Variants in LRRC45 observed in about 807,000 individuals in gnomAD.
LRRC45 encodes leucine-rich repeat-containing protein 45.
In LRRC45, 73 loss-of-function variants were observed where a neutral mutation model predicts 85.4. That is an observed-to-expected ratio of 0.85 (90% confidence interval 0.71 to 1.04). LRRC45 has a LOEUF of 1.04. LRRC45 is among the 50% of genes least tolerant of loss of function. The pLI is 0.00. For missense variants in LRRC45, 937 were observed against 883.3 expected (o/e 1.06, Z -0.77); for synonymous variants, 429 against 386.0 (o/e 1.11, Z -1.31).
At chr17:82,029,378 G>A in intron 13 of LRRC45, 165 bp from the exon 14 acceptor site, 1 of 951,070 alleles carries the variant, frequency 1.1e-6, no homozygotes, top group Admixed American at 2.3e-5. Context: ...GACTTCCTTG[G>A]CCTTAGGAAC....
At chr17:82,029,506 G>T in intron 13 of LRRC45, 37 bp from the exon 14 acceptor site, 1 of 1,547,296 alleles carries the variant, frequency 6.5e-7, no homozygotes, top group South Asian at 1.2e-5. Context: ...CTGGGCCAGG[G>T]ACAGGAGAAC....
chr17:82,028,436 C>G lies in LRRC45; in HGVS notation c.1165C>G (p.Gln389Glu), dbSNP rs141938156. 2 of 1,612,754 alleles carry G rather than the reference C, an allele frequency of 1.2e-6. No homozygotes were observed. The highest frequency in any genetic ancestry group is 1.7e-6 in the Non-Finnish European group (2 of 1,179,974). The change falls in exon 11 of 17, where the codon CAG becomes GAG. Residue 389 changes from glutamine (Q) to glutamate (E), a missense_variant. By Grantham distance (29) the Gln-to-Glu change is conservative (BLOSUM62 2). Coordinates refer to ENST00000306688, the MANE Select transcript of LRRC45 (RefSeq NM_144999.4). ...LERKFRCQQE[Q>E]LFQTRQEMTS... ...GCGGAAGTTCAGGTGTCAGCAGGAG[C>G]AGCTGTTCCAGACCAGGCAGGAGAT...
intron 1 of LRRC45, 88 bp downstream of exon 1, chr17:82,023,951 T>C: frequency 7.9e-7 from 1 of 1,262,450 alleles, no homozygotes; most frequent in Non-Finnish European, 1.1e-6. Flanking sequence ...CTCTCCAGGC[T>C]CTCCAATTTC....
chr17:82,027,380 C>T lies in LRRC45; in HGVS notation c.775-6C>T, dbSNP rs374147141. 3.0e-5 allele frequency: 49 copies of T among 1,612,556 alleles called. No individual in the cohort carries two copies. The African/African-American group carries it at 6.3e-4, about 21-fold the overall frequency. ...CTGACAGGGCTGCGGCTGTCTCTGTCCCCAGTTCCTCGACTTGATGGAGAC... is the reference window on the plus strand; with the variant it reads ...CTGACAGGGCTGCGGCTGTCTCTGTTCCCAGTTCCTCGACTTGATGGAGAC... On this transcript the variant is annotated splice_polypyrimidine_tract_variant and splice_region_variant and intron_variant, in intron 6 of 16. Transcript: ENST00000306688.
At position 82,027,680 on chromosome 17, in the gene LRRC45, G is replaced by C; in HGVS notation, c.840G>C (p.Ser280=). Residue 280 remains serine, a synonymous_variant, in exon 8 of 17, where the codon TCG becomes TCC. Transcript: ENST00000306688. ...REEMAKSSRA[S]AARVGQLQEA... ...CCCTCCTCTCTGCCCACAGGGCGTC[G>C]GCAGCCCGTGTAGGGCAGCTTCAGG... 1 of 1,610,222 alleles carries C rather than the reference G, an allele frequency of 6.2e-7. No homozygotes were observed. Among genetic ancestry groups the C allele is most frequent in the Non-Finnish European group, 8.5e-7 (1 of 1,178,830 alleles).
In LRRC45 at chr17:82,025,135, G is replaced by A. The variant is rs2144140152; in HGVS notation, c.489G>A (p.Glu163=). 6.2e-7 allele frequency: 1 copy of A among 1,610,154 alleles called. No individual in the cohort carries two copies. Residue 163 remains glutamate (E), a synonymous_variant, in exon 4 of 17, where the codon GAG becomes GAA. Coordinates refer to ENST00000306688, the MANE Select transcript of LRRC45 (RefSeq NM_144999.4). ...NNQISHKGAE[E]LALALKGNTT... ...AGATCAGTCACAAGGGCGCGGAGGA[G>A]CTGGCCCTAGCCCTGAAGGGCAACA... is the stretch of plus-strand genomic sequence containing the variant.
chr17:82,027,159 C>A, intron 6 of LRRC45, 148 bp downstream of exon 6: 1 of 869,266 alleles, frequency 1.2e-6, no homozygotes, highest in Non-Finnish European at 1.8e-6. Context: ...GAAGGAGGGG[C>A]GGCCTCCTGG....
rs1315999664 is a variant in LRRC45 at position 82,024,048 on chromosome 17, A to G, written c.220+185A>G. On this transcript the variant is annotated intron_variant, in intron 1 of 16. Coordinates refer to ENST00000306688, the MANE Select transcript of LRRC45 (RefSeq NM_144999.4). ...CTCTGTATGACGGGGGAGAGGCCTT[A>G]ACATTCGCGGTCTTACCTGGTTCCC... The G allele has an allele frequency of 2.4e-5, 17 of 713,914 alleles. 1 individual carries two copies. The East Asian group carries it at 4.6e-4, about 19-fold the overall frequency. 44.2% of individuals were successfully genotyped at this position (713,914 alleles called of 1,614,324 possible). A position where few individuals can be genotyped will look rare whatever the true frequency, so the allele number is the denominator to read the frequency against.
chr17:82,025,255 G>A, intron 4 of LRRC45, 77 bp downstream of exon 4: 2 of 1,533,756 alleles, frequency 1.3e-6, no homozygotes, highest in Non-Finnish European at 8.8e-7. Context: ...GGGGCTAGGG[G>A]ACTGGCCTGT....
intron 14 of LRRC45, 57 bp from the exon 15 acceptor site, chr17:82,030,008 C>T: frequency 6.8e-7 from 1 of 1,476,172 alleles, no homozygotes; most frequent in African/African-American, 1.4e-5. Context: ...GCAGACATTC[C>T]CTCAGCTGAG....
chr17:82,028,852 C>A, intron 12 of LRRC45, 169 bp downstream of exon 12: 2 of 824,624 alleles, frequency 2.4e-6, no homozygotes, highest in Non-Finnish European at 3.8e-6. Context: ...CTATTGGGGG[C>A]GGCGGGGGGA....
At chr17:82,027,864 G>A in intron 8 of LRRC45, 113 bp downstream of exon 8, 2 of 1,513,994 alleles carry the variant, frequency 1.3e-6, no homozygotes, top group Non-Finnish European at 1.8e-6. Flanking sequence ...AAATGGTGAG[G>A]CTGGGGCAGT....
intron 7 of LRRC45, 43 bp from the exon 8 acceptor site, chr17:82,027,631 C>T: frequency 6.3e-7 from 1 of 1,595,116 alleles, no homozygotes; most frequent in African/African-American, 1.3e-5. Context: ...TGGGAGCGCT[C>T]TGGGGTTTGG....
chr17:82,028,561 CG>C, intron 11 of LRRC45, 51 bp from the exon 12 acceptor site: 1 of 1,611,738 alleles, frequency 6.2e-7, no homozygotes. Context: ...CACCGGGGGA[CG>C]GGGGCCCCCA....
At position 82,025,322 on chromosome 17, in the gene LRRC45, G is replaced by C. The variant is rs2043359128; in HGVS notation, c.533-57G>C. The C allele has an allele frequency of 3.1e-5, 48 of 1,535,176 alleles. No individual in the cohort carries two copies. In the South Asian group the frequency reaches 5.8e-4, roughly 18 times the overall value. ...GCCCCCTAGGGAAGCACCCCGGCCA[G>C]GCCAGCTCCCCCTCTGCCAGGTGCA... On this transcript the variant is annotated intron_variant, in intron 4 of 16. Transcript: ENST00000306688.
In LRRC45 at chr17:82,030,774, C is replaced by A. The variant is rs2043413310; in HGVS notation, c.1982C>A (p.Ser661Tyr). The A allele has an allele frequency of 7.0e-7, 1 of 1,433,728 alleles. No individual in the cohort carries two copies. Among genetic ancestry groups the A allele is most frequent in the Non-Finnish European group, 9.3e-7 (1 of 1,077,028 alleles). The allele number at this position is 1,433,728 out of a possible 1,614,324, so 88.8% of individuals were successfully genotyped here. The change falls in exon 17 of 17, where the codon TCC (serine) becomes TAC (tyrosine). Residue 661 changes from serine (S) to tyrosine (Y), a missense_variant. Physicochemically the swap from Ser to Tyr is moderately radical, Grantham distance 144. Coordinates refer to ENST00000306688, the MANE Select transcript of LRRC45 (RefSeq NM_144999.4). Reference protein sequence around the residue: ...QNAVLAYVQASPVRTLSPPK With the variant: ...QNAVLAYVQAYPVRTLSPPK ...GCCGTCCTGGCTTACGTGCAGGCGT[C>A]CCCCGTGAGGACCCTGAGCCCCCCA... is the stretch of plus-strand genomic sequence containing the variant.
At position 82,023,673 on chromosome 17, in the gene LRRC45, C is replaced by T. The variant is rs1207834291; in HGVS notation, c.30C>T (p.Arg10=). The T allele has an allele frequency of 3.2e-6, 5 of 1,549,486 alleles. No homozygotes were observed. Among genetic ancestry groups the T allele is most frequent in the East Asian group, 2.3e-5 (1 of 42,604 alleles). ...AGGAGTTCCGGCGCTCCTACAGCCG[C>T]CTGTGCAGGGAGAGTGGGGCCGAGC... MEEFRRSYS[R]LCRESGAEPQ... The change falls in exon 1 of 17, where the codon CGC becomes CGT. Residue 10 remains arginine, a synonymous_variant. Transcript: ENST00000306688.
intron 13 of LRRC45, 138 bp downstream of exon 13, chr17:82,029,323 C>T: frequency 1.0e-6 from 1 of 952,546 alleles, no homozygotes; most frequent in Non-Finnish European, 1.5e-6. Flanking sequence ...TGGGGACCCA[C>T]CCACCAGTGT....
At chr17:82,027,601 C>T in intron 7 of LRRC45, 73 bp from the exon 8 acceptor site, 3 of 1,544,216 alleles carry the variant, frequency 1.9e-6, no homozygotes, top group Non-Finnish European at 2.7e-6. Context: ...ACAGCAGCAG[C>T]TACCGAGGCC....
Sources: allele counts gnomAD v4.1 joint callset, GRCh38; gene constraint gnomAD v4.1.1; transcripts MANE v1.5; gene names NCBI Gene and HGNC (gene_info 2026-07-23, HGNC 2026-07-21).